The following NME8 variants were observed in gnomAD, a reference collection of about 807,000 sequenced individuals.
NME8 encodes protein NME8.
Under a neutral mutation model 82.3 loss-of-function variants are expected in NME8, and 72 were observed. That is an observed-to-expected ratio of 0.87 (90% confidence interval 0.72 to 1.06). The LOEUF (loss-of-function observed/expected upper bound fraction) is 1.06. Ranked by LOEUF, NME8 falls within the 50% of genes least tolerant of loss-of-function variation. NME8 has a pLI of 0.00. For synonymous variants in NME8, 267 were observed against 228.5 expected, an observed-to-expected ratio of 1.17 and a Z score of -1.52; for missense variants, 712 against 685.4, an observed-to-expected ratio of 1.04 and a Z score of -0.43.
chr7:37,897,161 G>C (rs1265038339), intron 17 of NME8, 54 bp downstream of exon 17: 1 of 1,150,578 alleles, frequency 8.7e-7, no homozygotes, highest in African/African-American at 1.6e-5. Flanking sequence ...CAGTGACTGA[G>C]GCTAGGACAA....
At chr7:37,896,168 A>T (rs1019365662) in intron 16 of NME8, among the ~76,000 whole-genome samples, 2 of 152,230 alleles carry the variant, frequency 1.3e-5, no homozygotes, top group Non-Finnish European at 2.9e-5. Context: ...AACAAAATTT[A>T]ATGGAATATA....
intron 12 of NME8, among the ~76,000 whole-genome samples, chr7:37,878,833 T>C (rs1014523213): frequency 6.6e-6 from 1 of 152,170 alleles, no homozygotes; most frequent in Admixed American, 6.5e-5. Context: ...ATTACTGTGA[T>C]ACACTTTTAC....
chr7:37,887,831 G>A (rs566165449), intron 14 of NME8, among the ~76,000 whole-genome samples: 1 of 152,168 alleles, frequency 6.6e-6, no homozygotes, highest in Non-Finnish European at 1.5e-5. Context: ...AGCAGGGCTT[G>A]TAATACCAGG....
At chr7:37,853,786 T>G (rs1262243004) in intron 5 of NME8, among the ~76,000 whole-genome samples, 4 of 152,138 alleles carry the variant, frequency 2.6e-5, no homozygotes, top group Admixed American at 6.6e-5. Context: ...TATTTCCTAT[T>G]AAAATTGCCC....
chr7:37,852,441 C>T lies in NME8; in HGVS notation c.198+1706C>T, dbSNP rs1334072992. On this transcript the variant is annotated intron_variant, in intron 5 of 17. Transcript: ENST00000199447. ...ACAAATGTGTAATGACATGTACTTA[C>T]TATATTATGGCATCATATAGTATAG... Among the ~76,000 whole-genome samples, 3 of 152,254 alleles carry T rather than the reference C, an allele frequency of 2.0e-5. No individual in the cohort carries two copies. In the East Asian group the frequency reaches 5.8e-4, roughly 29 times the overall value.
intron 14 of NME8, among the ~76,000 whole-genome samples, chr7:37,887,359 A>G (rs1258487802): frequency 1.3e-5 from 2 of 152,138 alleles, no homozygotes; most frequent in Non-Finnish European, 2.9e-5. Context: ...TTATAATTTT[A>G]TATCTTTGGT....
intron 9 of NME8, among the ~76,000 whole-genome samples, chr7:37,865,211 C>A (rs185148598): frequency 9.3e-4 from 141 of 152,264 alleles, no homozygotes; most frequent in African/African-American, 3.2e-3. Context: ...CCAGTTAGAT[C>A]AAAAGCAAGT....
chr7:37,856,134 A>T (rs1784508053), intron 5 of NME8, among the ~76,000 whole-genome samples: 1 of 152,190 alleles, frequency 6.6e-6, no homozygotes, highest in African/African-American at 2.4e-5. Context: ...GTGTTAGTCA[A>T]GGTTTATGGT....
rs1784604449 is a variant in NME8 at position 37,862,060 on chromosome 7, A to ATT, written c.303_304insTT (p.Asn102LeufsTer13). 54 of 1,613,656 alleles carry ATT rather than the reference A, an allele frequency of 3.3e-5. No homozygotes were observed. Among genetic ancestry groups the ATT allele is most frequent in the Non-Finnish European group, 4.5e-5 (53 of 1,179,782 alleles). On this transcript the variant is annotated frameshift_variant, in exon 7 of 18. Coordinates refer to ENST00000199447, the MANE Select transcript of NME8 (RefSeq NM_016616.5). LOFTEE classifies it high-confidence loss of function. ...AAATTATCGAAAAGATTCAGGGTGC[A>ATT]AATGCACCGCTTGTTAATAAAAAAG... is the stretch of plus-strand genomic sequence containing the variant.
Position 37,867,827 on chromosome 7 carries a change from C to G in NME8, c.747C>G (p.Asn249Lys). The G allele has an allele frequency of 1.9e-6, 3 of 1,613,844 alleles. No individual in the cohort carries two copies. The South Asian group carries it at 3.3e-5, about 18-fold the overall frequency. The change falls in exon 11 of 18, where the codon AAC (asparagine) becomes AAG (lysine). Residue 249 changes from asparagine to lysine, a missense_variant. Coordinates refer to ENST00000199447, the MANE Select transcript of NME8 (RefSeq NM_016616.5). Reference sequence around the variant, plus strand: ...AACCACAGACTGACACCGAACCTAACGAACGATCTGAGGATCAACCTGAGG... The same window carrying G: ...AACCACAGACTGACACCGAACCTAAGGAACGATCTGAGGATCAACCTGAGG... ...ETEPQTDTEP[N>K]ERSEDQPEVE...
At chr7:37,894,410 A>G in intron 15 of NME8, 56 bp from the exon 16 acceptor site, 24 of 1,537,694 alleles carry the variant, frequency 1.6e-5, no homozygotes, top group Non-Finnish European at 2.1e-5. Flanking sequence ...AGTCTACTTG[A>G]GTATGGAGGA....
At chr7:37,899,395 G>C (rs1285477528) in intron 17 of NME8, among the ~76,000 whole-genome samples, 2 of 152,122 alleles carry the variant, frequency 1.3e-5, no homozygotes, top group Non-Finnish European at 2.9e-5. Flanking sequence ...CATAGAGTTG[G>C]AAGCCACTAT....
At position 37,876,916 on chromosome 7, in the gene NME8, T is replaced by A. The variant is rs1368505107; in HGVS notation, c.903T>A (p.Asp301Glu). Reference sequence around the variant, plus strand: ...CAGCTAATGTTGCTAAGTTCATGGATGCTTTCTTCCCCGATTTTAAAAAAA... The same window carrying A: ...CAGCTAATGTTGCTAAGTTCATGGAAGCTTTCTTCCCCGATTTTAAAAAAA... ...EDAANVAKFM[D>E]AFFPDFKKMK... The change falls in exon 12 of 18, where the codon GAT (aspartate) becomes GAA (glutamate). Residue 301 changes from aspartate (D) to glutamate (E), a missense_variant. Physicochemically the swap from Asp to Glu is conservative, Grantham distance 45. Coordinates refer to ENST00000199447, the MANE Select transcript of NME8 (RefSeq NM_016616.5). 2 of 1,612,896 alleles carry A rather than the reference T, an allele frequency of 1.2e-6. No individual in the cohort carries two copies. The highest frequency in any genetic ancestry group is 1.7e-6 in the Non-Finnish European group (2 of 1,179,158).
intron 14 of NME8, among the ~76,000 whole-genome samples, chr7:37,886,836 A>T (rs1211096043): frequency 1.3e-5 from 2 of 151,418 alleles, no homozygotes; most frequent in African/African-American, 4.8e-5. Flanking sequence ...AGCCAAGGGC[A>T]GAATGGAAAG....
At chr7:37,899,168 G>A (rs910405037) in intron 17 of NME8, among the ~76,000 whole-genome samples, 2 of 152,098 alleles carry the variant, frequency 1.3e-5, no homozygotes, top group African/African-American at 2.4e-5. Context: ...ATTTGACCCA[G>A]AAATCCCATT....
chr7:37,861,019 C>A (rs547588050), intron 6 of NME8, among the ~76,000 whole-genome samples: 1 of 152,156 alleles, frequency 6.6e-6, no homozygotes, highest in East Asian at 1.9e-4. Context: ...TCTCCACCAC[C>A]GTCATCTCTC....
intron 13 of NME8, among the ~76,000 whole-genome samples, chr7:37,884,672 T>C (rs1257365127): frequency 6.6e-6 from 1 of 152,218 alleles, no homozygotes; most frequent in Non-Finnish European, 1.5e-5. Flanking sequence ...TCAGAGGAAG[T>C]TACTGGAGTC....
rs375512041 is a variant in NME8 at position 37,849,974 on chromosome 7, A to G, written c.-7-286A>G. Among the ~76,000 whole-genome samples, 16 of 152,156 alleles carry G rather than the reference A, an allele frequency of 1.1e-4. No individual in the cohort carries two copies. The East Asian group carries it at 1.7e-3, about 16-fold the overall frequency. The stretch of plus-strand genomic sequence containing the variant: ...CTAAATTGTACATTTTAAAATAACT[A>G]AAAGAGTATAATTGGATTGTTTGTA... On this transcript the variant is annotated intron_variant, in intron 2 of 17. Coordinates refer to ENST00000199447, the MANE Select transcript of NME8 (RefSeq NM_016616.5).
At chr7:37,862,899 C>T (rs1189050675) in intron 7 of NME8, among the ~76,000 whole-genome samples, 1 of 152,112 alleles carries the variant, frequency 6.6e-6, no homozygotes, top group Non-Finnish European at 1.5e-5. Flanking sequence ...GAGGGCAGAT[C>T]ACTTGAGGTC....
Sources: gnomAD v4.1 joint callset for allele counts (sites outside exome capture counted in the v4.1 genomes callset) on GRCh38, gnomAD v4.1.1 for gene constraint, MANE v1.5 for transcripts, NCBI Gene and HGNC (gene_info 2026-07-23, HGNC 2026-07-21) for gene names.